PSIP1: variants seen among roughly 807,000 people sequenced by gnomAD.
PSIP1 encodes the protein PC4 and SFRS1-interacting protein.
In PSIP1, 19 loss-of-function variants were observed where a neutral mutation model predicts 74.7. The observed-to-expected ratio is 0.25, with a 90% CI of 0.18 to 0.37. PSIP1 has a LOEUF of 0.37. Among genes scored for constraint, PSIP1 ranks in the 10% least tolerant of loss-of-function variants. The pLI is 1.00. For synonymous variants in PSIP1, 222 were observed against 195.3 expected (o/e 1.14, Z -1.14); for missense variants, 601 against 614.3 (o/e 0.98, Z 0.23).
At chr9:15,486,467 A>C (rs1361798470) in intron 5 of PSIP1, among the ~76,000 whole-genome samples, 1 of 152,202 alleles carries the variant, frequency 6.6e-6, no homozygotes, top group Non-Finnish European at 1.5e-5. Context: ...CACACAGATC[A>C]TATACAGTTG....
At chr9:15,501,608 G>C (rs372964336) in intron 3 of PSIP1, among the ~76,000 whole-genome samples, 7 of 152,054 alleles carry the variant, frequency 4.6e-5, no homozygotes. Flanking sequence ...GGGCTAGTTC[G>C]TATAGGTTTT....
Position 15,486,874 on chromosome 9 carries a change from T to C in PSIP1, c.346A>G (p.Ser116Gly), listed in dbSNP as rs754356320. ...SDVEVEEKET[S>G]VSKEDTDHEE... Reference sequence around the variant, plus strand: ...TGGTCGGTATCTTCCTTTGAAACACTAGTTTCCTTTTCTTCAACTTCAACA... The same window carrying C: ...TGGTCGGTATCTTCCTTTGAAACACCAGTTTCCTTTTCTTCAACTTCAACA... The change falls in exon 5 of 16, where the codon AGT (serine) becomes GGT (glycine). Residue 116 changes from serine to glycine, a missense_variant. By Grantham distance (56) the Ser-to-Gly change is moderately conservative. This residue lies in a region of PSIP1 where 538 missense variants were observed against 507.6 expected (regional missense o/e 1.06). Coordinates refer to ENST00000380733, the MANE Select transcript of PSIP1 (RefSeq NM_033222.5). 16 of 1,612,552 alleles carry C rather than the reference T, an allele frequency of 9.9e-6. No homozygotes were observed. The highest frequency in any genetic ancestry group is 1.2e-5 in the Non-Finnish European group (14 of 1,179,370).
chr9:15,483,570 C>G (rs2036429570), intron 6 of PSIP1, among the ~76,000 whole-genome samples: 1 of 151,658 alleles, frequency 6.6e-6, no homozygotes, highest in Non-Finnish European at 1.5e-5. Flanking sequence ...TATTTTTTGT[C>G]TAAAAAAAAA....
In PSIP1 at chr9:15,471,013, A is replaced by G. The variant is rs964154767; in HGVS notation, c.978-1020T>C. 1.4e-5 allele frequency: 19 copies of G among 1,398,854 alleles called. No homozygotes were observed. In the African/African-American group the frequency reaches 1.9e-4, roughly 14 times the overall value. The allele number at this position is 1,398,854 out of a possible 1,614,324, so 86.7% of individuals were successfully genotyped here. A position where few individuals can be genotyped will look rare whatever the true frequency, so the allele number is the denominator to read the frequency against. On this transcript the variant is annotated intron_variant, in intron 10 of 15. Coordinates refer to ENST00000380733, the MANE Select transcript of PSIP1 (RefSeq NM_033222.5). ...TGTGTACCTTACAGGAAATTTGTTA[A>G]TCATAACACAGTAATGCCATTAATA...
chr9:15,465,605 A>C (rs761258109), intron 15 of PSIP1, 25 bp from the exon 16 acceptor site: 1 of 1,528,836 alleles, frequency 6.5e-7, no homozygotes, highest in East Asian at 2.3e-5. Context: ...GAAAGGTACA[A>C]CTGGAATTAG....
chr9:15,471,438 AAAG>A (rs781430830), intron 10 of PSIP1: 4 of 1,444,350 alleles, frequency 2.8e-6, no homozygotes, highest in East Asian at 5.0e-5. Flanking sequence ...TTAAGATACT[AAAG>A]AAGGGTTGGG....
intron 14 of PSIP1, chr9:15,468,317 C>G: frequency 1.7e-6 from 1 of 580,254 alleles, no homozygotes; most frequent in Non-Finnish European, 3.3e-6. Flanking sequence ...AGCTGAGCAA[C>G]CAGGAAGTGG....
At chr9:15,496,207 T>C (rs199981084) in intron 3 of PSIP1, among the ~76,000 whole-genome samples, 1 of 151,840 alleles carries the variant, frequency 6.6e-6, no homozygotes, top group East Asian at 1.9e-4. Flanking sequence ...TATGGCAGGG[T>C]AGGTGAAATT....
chr9:15,472,652 C>T lies in PSIP1; in HGVS notation c.957G>A (p.Glu319=), dbSNP rs765795620. The T allele has an allele frequency of 5.0e-6, 8 of 1,601,568 alleles. No homozygotes were observed. The African/African-American group carries it at 8.1e-5, about 16-fold the overall frequency. Residue 319 remains glutamate (E), a synonymous_variant, in exon 10 of 16, where the codon GAG becomes GAA. Coordinates refer to ENST00000380733, the MANE Select transcript of PSIP1 (RefSeq NM_033222.5). ...KEAADRKRKQ[E]EQMETEQQNK... is the part of the protein sequence containing the mutation. Reference sequence around the variant, plus strand: ...CTTACTGCTCAGTTTCCATTTGTTCCTCTTGCTTGCGTTTTCGATCTGCTG... The same window carrying T: ...CTTACTGCTCAGTTTCCATTTGTTCTTCTTGCTTGCGTTTTCGATCTGCTG...
At chr9:15,503,598 G>A (rs1376349289) in intron 3 of PSIP1, among the ~76,000 whole-genome samples, 1 of 151,420 alleles carries the variant, frequency 6.6e-6, no homozygotes, top group African/African-American at 2.4e-5. Context: ...GGAGTTCAAG[G>A]ATGCAGTCAA....
At chr9:15,508,343 A>G (rs976427680) in intron 2 of PSIP1, among the ~76,000 whole-genome samples, 5 of 152,252 alleles carry the variant, frequency 3.3e-5, no homozygotes, top group African/African-American at 1.2e-4. Flanking sequence ...CACCAACACT[A>G]AATGGAGGTG....
intron 3 of PSIP1, among the ~76,000 whole-genome samples, chr9:15,494,558 T>A (rs1446016248): frequency 1.9e-5 from 1 of 53,838 alleles, no homozygotes; most frequent in Admixed American, 3.4e-4. Flanking sequence ...AGAGCAAAAC[T>A]GCATCTCAAA....
chr9:15,510,328 T>A lies in PSIP1; in HGVS notation c.-140A>T, dbSNP rs959890290. ...ATGCCTCGGGGCGTCCCGACGCGCC[T>A]GCTAGGGAGAGCACCGAGGGCGGTT... On this transcript the variant is annotated splice_region_variant and 5_prime_UTR_variant, in exon 2 of 16. Coordinates refer to ENST00000380733, the MANE Select transcript of PSIP1 (RefSeq NM_033222.5). The A allele has an allele frequency of 7.3e-6, 3 of 411,482 alleles. No individual in the cohort carries two copies. The highest frequency in any genetic ancestry group is 1.1e-4 in the Admixed American group (2 of 17,986). 25.5% of individuals were successfully genotyped at this position (411,482 alleles called of 1,614,324 possible). A position where few individuals can be genotyped will look rare whatever the true frequency, so the allele number is the denominator to read the frequency against.
intron 5 of PSIP1, among the ~76,000 whole-genome samples, chr9:15,486,300 G>T (rs2036554732): frequency 6.6e-6 from 1 of 152,166 alleles, no homozygotes; most frequent in African/African-American, 2.4e-5. Flanking sequence ...CAGGAAGTCT[G>T]TCTATTTAAA....
chr9:15,468,558 A>C lies in PSIP1; in HGVS notation c.1420+72T>G, dbSNP rs911140754. ...TATACACAGTGAAACTATGTATGAAAGCCATTTTTAAAAGCAGTCCTGGCA... is the reference window on the plus strand; with the variant it reads ...TATACACAGTGAAACTATGTATGAACGCCATTTTTAAAAGCAGTCCTGGCA... On this transcript the variant is annotated intron_variant, in intron 14 of 15. Coordinates refer to ENST00000380733, the MANE Select transcript of PSIP1 (RefSeq NM_033222.5). 9 of 1,492,308 alleles carry C rather than the reference A, an allele frequency of 6.0e-6. No homozygotes were observed. The Admixed American group carries it at 8.4e-5, about 14-fold the overall frequency. The allele number at this position is 1,492,308 out of a possible 1,614,324, so 92.4% of individuals were successfully genotyped here.
At chr9:15,472,183 T>C in intron 10 of PSIP1, 1 of 986,780 alleles carries the variant, frequency 1.0e-6, no homozygotes, top group Non-Finnish European at 1.2e-6. Context: ...TTACTTTTAC[T>C]GGCTTCCTGG....
At chr9:15,487,450 C>T (rs903071988) in intron 4 of PSIP1, among the ~76,000 whole-genome samples, 2 of 151,698 alleles carry the variant, frequency 1.3e-5, no homozygotes, top group Non-Finnish European at 2.9e-5. Context: ...CAAAAATTAG[C>T]CAGGCATGGT....
Position 15,472,518 on chromosome 9 carries a change from A to G in PSIP1, c.977+114T>C, listed in dbSNP as rs557021725. ...TTGAAGATTTTTCTAACACATGGGA[A>G]AAGTCACTTCTTCAAAAGGCTTCAT... On this transcript the variant is annotated intron_variant, in intron 10 of 15. Transcript: ENST00000380733. 4.1e-6 allele frequency: 6 copies of G among 1,457,042 alleles called. No homozygotes were observed. In the East Asian group the frequency reaches 1.3e-4, roughly 31 times the overall value. 90.3% of individuals were successfully genotyped at this position (1,457,042 alleles called of 1,614,324 possible). A position where few individuals can be genotyped will look rare whatever the true frequency, so the allele number is the denominator to read the frequency against.
chr9:15,469,097 CT>C, intron 12 of PSIP1, 39 bp from the exon 13 acceptor site: 2 of 1,537,022 alleles, frequency 1.3e-6, no homozygotes, highest in Non-Finnish European at 1.8e-6. Flanking sequence ...TGTTAATTAT[CT>C]TAACACTTAA....
Sources: allele counts gnomAD v4.1 joint callset (sites outside exome capture counted in the v4.1 genomes callset), GRCh38; gene constraint gnomAD v4.1.1; regional missense constraint gnomAD v4.1.1; transcripts MANE v1.5; gene names NCBI Gene and HGNC (gene_info 2026-07-23, HGNC 2026-07-21).